Variants in PPP1R9A observed in about 807,000 individuals in gnomAD.
PPP1R9A encodes the protein neurabin-1.
PPP1R9A carries 59 observed loss-of-function variants against 141.9 expected under a neutral mutation model. The observed-to-expected ratio is 0.42, with a 90% CI of 0.34 to 0.52. The LOEUF (loss-of-function observed/expected upper bound fraction) is 0.52. Among genes scored for constraint, PPP1R9A ranks in the 20% least tolerant of loss-of-function variants. The pLI, the probability that PPP1R9A is intolerant of heterozygous loss-of-function variation, is 0.10. For synonymous variants in PPP1R9A, 500 were observed against 569.7 expected (o/e 0.88, Z 1.74); for missense variants, 1,444 against 1,611.9 (o/e 0.90, Z 1.78).
At chr7:94,948,308 C>T (rs1224134400) in intron 2 of PPP1R9A, among the ~76,000 whole-genome samples, 1 of 152,116 alleles carries the variant, frequency 6.6e-6, no homozygotes, top group East Asian at 1.9e-4. Flanking sequence ...AGTTATCTGG[C>T]AAACTCTAAC....
intron 2 of PPP1R9A, among the ~76,000 whole-genome samples, chr7:95,089,265 ATTT>A (rs1817017645): frequency 6.6e-6 from 1 of 152,032 alleles, no homozygotes; most frequent in Non-Finnish European, 1.5e-5. Context: ...AATGCATACA[ATTT>A]ATATGTGAGG....
intron 12 of PPP1R9A, among the ~76,000 whole-genome samples, chr7:95,259,406 T>C (rs1800092986): frequency 6.6e-6 from 1 of 152,080 alleles, no homozygotes; most frequent in African/African-American, 2.4e-5. Context: ...CAAAAGAGTT[T>C]TTAAGCTAAA....
chr7:95,225,141 A>C, intron 7 of PPP1R9A, among the ~76,000 whole-genome samples: 1 of 152,116 alleles, frequency 6.6e-6, no homozygotes, highest in Non-Finnish European at 1.5e-5. Flanking sequence ...TGGGTATTAC[A>C]AAGGAGTGAA....
chr7:94,944,102 A>C (rs1244252380), intron 2 of PPP1R9A, among the ~76,000 whole-genome samples: 1 of 152,152 alleles, frequency 6.6e-6, no homozygotes, highest in Non-Finnish European at 1.5e-5. Context: ...TAGTGATCAA[A>C]TCAGGGTAAC....
chr7:94,982,485 C>T (rs1358913960), intron 2 of PPP1R9A, among the ~76,000 whole-genome samples: 13 of 152,064 alleles, frequency 8.5e-5, no homozygotes, highest in Non-Finnish European at 1.8e-4. Flanking sequence ...CTCCAGCACC[C>T]GTTGTTTCCT....
chr7:94,964,086 G>C lies in PPP1R9A; in HGVS notation c.1395+52578G>C, dbSNP rs909431239. Among the ~76,000 whole-genome samples, 19 of 152,100 alleles carry C rather than the reference G, an allele frequency of 1.2e-4. 1 individual carries two copies. Among genetic ancestry groups the C allele is most frequent in the Admixed American group, 6.6e-5 (1 of 15,266 alleles). Reference sequence around the variant, plus strand: ...GAATGCAACTTGTCACAAGAAGTCAGGTGTGGAATTTTCCATTTATGGAGT... The same window carrying C: ...GAATGCAACTTGTCACAAGAAGTCACGTGTGGAATTTTCCATTTATGGAGT... On this transcript the variant is annotated intron_variant, in intron 2 of 19. Transcript: ENST00000433360.
At chr7:95,244,166 C>T (rs1797812491) in intron 8 of PPP1R9A, among the ~76,000 whole-genome samples, 1 of 152,138 alleles carries the variant, frequency 6.6e-6, no homozygotes, top group South Asian at 2.1e-4. Context: ...AAGAATTTAG[C>T]TATACTTAGT....
At chr7:95,066,540 G>A (rs1034258778) in intron 2 of PPP1R9A, among the ~76,000 whole-genome samples, 2 of 152,176 alleles carry the variant, frequency 1.3e-5, no homozygotes, top group Non-Finnish European at 2.9e-5. Flanking sequence ...GATACTATAT[G>A]TAGAAGGAAT....
At chr7:95,023,555 C>A (rs1030521160) in intron 2 of PPP1R9A, among the ~76,000 whole-genome samples, 6 of 151,404 alleles carry the variant, frequency 4.0e-5, no homozygotes, top group African/African-American at 1.5e-4. Flanking sequence ...TTTTCTAGTT[C>A]TTTTTTTTGT....
chr7:94,976,262 C>T (rs768310296), intron 2 of PPP1R9A, among the ~76,000 whole-genome samples: 10 of 151,808 alleles, frequency 6.6e-5, no homozygotes, highest in African/African-American at 1.7e-4. Context: ...AAAATTATTA[C>T]GGCATTGTTT....
intron 2 of PPP1R9A, among the ~76,000 whole-genome samples, chr7:94,936,420 A>G (rs1794767307): frequency 2.6e-5 from 4 of 152,266 alleles, no homozygotes; most frequent in Middle Eastern, 3.4e-3. Context: ...CTCTTTAGCA[A>G]TACTGGAGGT....
At chr7:94,971,924 C>T (rs975600041) in intron 2 of PPP1R9A, among the ~76,000 whole-genome samples, 9 of 152,088 alleles carry the variant, frequency 5.9e-5, no homozygotes, top group African/African-American at 2.2e-4. Context: ...TCCTTTAAAA[C>T]CTGATTTAAA....
chr7:95,265,456 T>A (rs545408969), intron 12 of PPP1R9A, among the ~76,000 whole-genome samples: 2 of 152,182 alleles, frequency 1.3e-5, no homozygotes, highest in Non-Finnish European at 1.5e-5. Flanking sequence ...AATATTAGGA[T>A]TTTTGTATTA....
At chr7:95,072,745 ATAT>A (rs1260623645) in intron 2 of PPP1R9A, among the ~76,000 whole-genome samples, 1 of 107,892 alleles carries the variant, frequency 9.3e-6, no homozygotes, top group African/African-American at 3.8e-5. Context: ...ATAATATAAT[ATAT>A]AATATTATAT....
intron 2 of PPP1R9A, among the ~76,000 whole-genome samples, chr7:95,063,709 A>G (rs1428633376): frequency 5.3e-5 from 8 of 152,222 alleles, no homozygotes; most frequent in Non-Finnish European, 1.2e-4. Context: ...CACTATAAAC[A>G]GTTTTCTTGA....
At chr7:95,022,882 A>G (rs927208586) in intron 2 of PPP1R9A, among the ~76,000 whole-genome samples, 1 of 152,230 alleles carries the variant, frequency 6.6e-6, no homozygotes, top group Non-Finnish European at 1.5e-5. Context: ...TTGGTTTGCC[A>G]GTATTTTATT....
intron 10 of PPP1R9A, among the ~76,000 whole-genome samples, chr7:95,250,803 G>T (rs1490835775): frequency 1.3e-5 from 2 of 152,090 alleles, no homozygotes; most frequent in Non-Finnish European, 2.9e-5. Context: ...CAGGGAGAGA[G>T]ACCATTACCA....
intron 5 of PPP1R9A, among the ~76,000 whole-genome samples, chr7:95,184,039 T>C (rs1834274437): frequency 6.6e-6 from 1 of 152,026 alleles, no homozygotes; most frequent in African/African-American, 2.4e-5. Flanking sequence ...AAAGGAAAAA[T>C]ATGTAAGAAT....
At chr7:95,079,522 T>G (rs1228007986) in intron 2 of PPP1R9A, among the ~76,000 whole-genome samples, 1 of 151,988 alleles carries the variant, frequency 6.6e-6, no homozygotes, top group Non-Finnish European at 1.5e-5. Context: ...AAGGAGGAAC[T>G]GGTACCATTC....
Sources: gnomAD v4.1 joint callset for allele counts (sites outside exome capture counted in the v4.1 genomes callset) on GRCh38, gnomAD v4.1.1 for gene constraint, MANE v1.5 for transcripts, NCBI Gene and HGNC (gene_info 2026-07-23, HGNC 2026-07-21) for gene names.